The following PRKN variants were observed in gnomAD, a reference collection of about 807,000 sequenced individuals.
PRKN encodes the protein parkin RBR E3 ubiquitin protein ligase.
PRKN carries 56 observed loss-of-function variants against 59.5 expected under a neutral mutation model. The ratio of observed to expected loss-of-function variants is 0.94; its 90% CI spans 0.76 to 1.18. The LOEUF is 1.18. PRKN is among the 50% of genes most tolerant of loss of function. The probability of loss-of-function intolerance (pLI) is 0.00; values close to 1 mark genes in which losing one functional copy is unlikely to be tolerated. For synonymous variants in PRKN, 250 were observed against 222.1 expected (o/e 1.13, Z -1.12); for missense variants, 657 against 596.4 (o/e 1.10, Z -1.06).
intron 4 of PRKN, among the ~76,000 whole-genome samples, chr6:162,183,972 A>G (rs1783914098): frequency 6.6e-6 from 1 of 152,226 alleles, no homozygotes; most frequent in African/African-American, 2.4e-5. Flanking sequence ...GGAATGCTCT[A>G]AACTACAATG....
intron 1 of PRKN, among the ~76,000 whole-genome samples, chr6:162,672,344 T>C (rs1438226597): frequency 2.0e-5 from 3 of 152,116 alleles, no homozygotes; most frequent in Non-Finnish European, 4.4e-5. Flanking sequence ...AAAATTAATA[T>C]CATTAAGCTA....
intron 9 of PRKN, among the ~76,000 whole-genome samples, chr6:161,485,649 G>T (rs535580713): frequency 6.6e-5 from 10 of 152,220 alleles, no homozygotes; most frequent in African/African-American, 2.4e-4. Flanking sequence ...TACTTGTGAT[G>T]AATTAGTTAG....
rs534048939 is a variant in PRKN at position 162,145,978 on chromosome 6, C to T, written c.534+55153G>A. Among the ~76,000 whole-genome samples the T allele has an allele frequency of 6.6e-5, 10 of 152,284 alleles. No homozygotes were observed. The South Asian group carries it at 8.3e-4, about 13-fold the overall frequency. On this transcript the variant is annotated intron_variant, in intron 4 of 11. Coordinates refer to ENST00000366898, the MANE Select transcript of PRKN (RefSeq NM_004562.3). ...ATACAAAGTGACACTACTATGCAAA[C>T]GTACTTTCAATTTCCCATCTGCCAC...
intron 1 of PRKN, among the ~76,000 whole-genome samples, chr6:162,512,525 A>T (rs1182300368): frequency 1.3e-5 from 2 of 152,228 alleles, no homozygotes; most frequent in Non-Finnish European, 2.9e-5. Flanking sequence ...TAAGCATCAG[A>T]ATACCTGGGA....
rs1780437320 is a variant in PRKN at position 161,561,026 on chromosome 6, T to A, written c.933+8329A>T. On this transcript the variant is annotated intron_variant, in intron 8 of 11. Coordinates refer to ENST00000366898, the MANE Select transcript of PRKN (RefSeq NM_004562.3). This position sits in a 1 kb window ranked among gnomAD's most constrained non-coding sequence, Gnocchi z 5.0. Reference sequence around the variant, plus strand: ...AATGGCACGATGACTTTCTCTTAAATAATGGACCACAAACTTCAAATGGGC... The same window carrying A: ...AATGGCACGATGACTTTCTCTTAAAAAATGGACCACAAACTTCAAATGGGC... Among the ~76,000 whole-genome samples, 1 of 152,196 alleles carries A rather than the reference T, an allele frequency of 6.6e-6. No individual in the cohort carries two copies. Among genetic ancestry groups the A allele is most frequent in the Non-Finnish European group, 1.5e-5 (1 of 68,022 alleles).
At chr6:162,725,615 T>C (rs1165059562) in intron 1 of PRKN, among the ~76,000 whole-genome samples, 1 of 151,528 alleles carries the variant, frequency 6.6e-6, no homozygotes, top group Non-Finnish European at 1.5e-5. Context: ...TAACAAAAAA[T>C]TGGCAGGCAT....
intron 9 of PRKN, among the ~76,000 whole-genome samples, chr6:161,492,290 T>A (rs10455786): frequency 0.41 from 62,882 of 152,066 alleles, 15,899 homozygotes; most frequent in Middle Eastern, 0.58. Context: ...CCGGGGTGGG[T>A]CTCCTGGTAG....
intron 1 of PRKN, among the ~76,000 whole-genome samples, chr6:162,484,281 T>C (rs1426482466): frequency 6.6e-6 from 1 of 152,122 alleles, no homozygotes; most frequent in Non-Finnish European, 1.5e-5. Context: ...TTCTAAATGT[T>C]AGGTGAAGAA....
Position 161,944,365 on chromosome 6 carries a change from C to CAGG in PRKN, c.734+28934_734+28936dup, listed in dbSNP as rs200209434. On this transcript the variant is annotated intron_variant, in intron 6 of 11. Coordinates refer to ENST00000366898, the MANE Select transcript of PRKN (RefSeq NM_004562.3). Reference sequence around the variant, plus strand: ...TGCTCTTTCAACTCCAGGTCTTAAACAGGGCCACATTCCCTGCAAGGCCCG... The same window carrying CAGG: ...TGCTCTTTCAACTCCAGGTCTTAAACAGGAGGGCCACATTCCCTGCAAGGCCCG... 6.9e-3 allele frequency among the ~76,000 whole-genome samples: 1,057 copies of CAGG among 152,296 alleles called. 15 individuals carry two copies. The highest frequency in any genetic ancestry group is 0.024 in the African/African-American group (1,015 of 41,552).
chr6:162,454,002 G>C (rs925446868), intron 1 of PRKN, among the ~76,000 whole-genome samples: 2 of 152,186 alleles, frequency 1.3e-5, no homozygotes, highest in Non-Finnish European at 2.9e-5. Flanking sequence ...ATGATAACTA[G>C]AGAGGGTTTG....
chr6:162,299,447 AAC>A lies in PRKN; in HGVS notation c.172-36684_172-36683del, dbSNP rs559271991. Among the ~76,000 whole-genome samples, 528 of 152,156 alleles carry A rather than the reference AAC, an allele frequency of 3.5e-3. 9 individuals are homozygous for A. The highest frequency in any genetic ancestry group is 0.012 in the African/African-American group (514 of 41,512). Reference sequence around the variant, plus strand: ...CTTTGTGAGCAGCTTCTTCGATAAAAACAGTCTATTTTTTTCCCAGGTGCACC... The same window carrying A: ...CTTTGTGAGCAGCTTCTTCGATAAAAAGTCTATTTTTTTCCCAGGTGCACC... On this transcript the variant is annotated intron_variant, in intron 2 of 11. Transcript: ENST00000366898.
rs1787987017 is a variant in PRKN at position 161,419,382 on chromosome 6, CT to C, written c.1084-32506del. Among the ~76,000 whole-genome samples, 2 of 116,226 alleles carry C rather than the reference CT, an allele frequency of 1.7e-5. No homozygotes were observed. Among genetic ancestry groups the C allele is most frequent in the African/African-American group, 3.3e-5 (1 of 30,146 alleles). The allele number at this position is 116,226 out of a possible 152,430, so 76.2% of individuals were successfully genotyped here. A position where few individuals can be genotyped will look rare whatever the true frequency, so the allele number is the denominator to read the frequency against. On this transcript the variant is annotated intron_variant, in intron 9 of 11. Transcript: ENST00000366898. The surrounding 1 kb of genome is among the most constrained non-coding windows in gnomAD (Gnocchi z 4.1). ...CAACACAGAGGGCCTTTCCTTTTTT[CT>C]TTTTTCTTCTTCTTTTTTTTTTTAA...
chr6:161,644,533 T>G (rs1055720779), intron 7 of PRKN, among the ~76,000 whole-genome samples: 1 of 152,232 alleles, frequency 6.6e-6, no homozygotes, highest in Non-Finnish European at 1.5e-5. Context: ...TTCCCTGCCC[T>G]TAGTTCGTTT....
chr6:162,400,412 T>G (rs1000113007), intron 2 of PRKN, among the ~76,000 whole-genome samples: 1 of 92,806 alleles, frequency 1.1e-5, no homozygotes, highest in Non-Finnish European at 2.0e-5. Flanking sequence ...TGTGGAGAAA[T>G]AAATCAGACT....
At chr6:162,058,413 A>G (rs1777953801) in intron 4 of PRKN, among the ~76,000 whole-genome samples, 1 of 152,182 alleles carries the variant, frequency 6.6e-6, no homozygotes. Context: ...CTCCAGGGAC[A>G]AGGTGATCTC....
rs1048644434 is a variant in PRKN, at chr6:161,354,634, G to A, written c.1286-4423C>T. Among the ~76,000 whole-genome samples the A allele has an allele frequency of 4.6e-5, 7 of 152,166 alleles. No individual in the cohort carries two copies. Among genetic ancestry groups the A allele is most frequent in the African/African-American group, 1.7e-4 (7 of 41,440 alleles). On this transcript the variant is annotated intron_variant, in intron 11 of 11. Coordinates refer to ENST00000366898, the MANE Select transcript of PRKN (RefSeq NM_004562.3). The surrounding 1 kb of genome is among the most constrained non-coding windows in gnomAD (Gnocchi z 6.7). ...GGAAATTCCTCGCATTCTCATTTCA[G>A]CTTCTCTGAGGGAGGAAGGGCATTC... is the stretch of plus-strand genomic sequence containing the variant.
chr6:162,471,509 C>A (rs1791746138), intron 1 of PRKN, among the ~76,000 whole-genome samples: 1 of 152,164 alleles, frequency 6.6e-6, no homozygotes, highest in Non-Finnish European at 1.5e-5. Context: ...TCCTTTCTAA[C>A]CTGTGGCTTC....
intron 1 of PRKN, among the ~76,000 whole-genome samples, chr6:162,723,134 G>C (rs1290209430): frequency 6.6e-6 from 1 of 152,058 alleles, no homozygotes. Flanking sequence ...TGGTGAAGTC[G>C]GAATATACAT....
intron 6 of PRKN, among the ~76,000 whole-genome samples, chr6:161,969,274 T>TG (rs1357076721): frequency 6.6e-6 from 1 of 151,688 alleles, no homozygotes; most frequent in Non-Finnish European, 1.5e-5. Context: ...ATTTGTTTTT[T>TG]TTTTTTTTTT....
Sources: allele counts gnomAD v4.1 joint callset (sites outside exome capture counted in the v4.1 genomes callset), GRCh38; gene constraint gnomAD v4.1.1; non-coding constraint Gnocchi (gnomAD v3.1); transcripts MANE v1.5; gene names NCBI Gene and HGNC (gene_info 2026-07-23, HGNC 2026-07-21).